The following KTN1 variants were observed in gnomAD, a reference collection of about 807,000 sequenced individuals.
The protein encoded by KTN1 is kinectin 1, also known as kinectin.
Under a neutral mutation model 222.5 loss-of-function variants are expected in KTN1, and 130 were observed. The ratio of observed to expected loss-of-function variants is 0.58; its 90% CI spans 0.51 to 0.68. The LOEUF is 0.68. Ranked by LOEUF, KTN1 falls within the 30% of genes least tolerant of loss-of-function variation. The pLI is 0.00. For missense variants in KTN1, 1,508 were observed against 1,500.4 expected, an observed-to-expected ratio of 1.01 and a Z score of -0.08; for synonymous variants, 512 against 496.3, an observed-to-expected ratio of 1.03 and a Z score of -0.42.
At chr14:55,658,940 C>A (rs1394692132) in intron 30 of KTN1, among the ~76,000 whole-genome samples, 1 of 152,130 alleles carries the variant, frequency 6.6e-6, no homozygotes, top group African/African-American at 2.4e-5. Context: ...ACTCTTATCT[C>A]CCCTCTTCCC....
chr14:55,661,523 AT>A lies in KTN1; in HGVS notation c.3004del (p.Ser1002GlnfsTer7). ...ACATGTATTCATGTTCTGGTTTAGA[AT>A]TTCAGAAAGAGAGAAAGAAATAAGT... ...FPPHEELLKVISEREKEISGL... is the reference protein window; with the variant it reads ...FPPHEELLKVXSEREKEISGL... On this transcript the variant is annotated frameshift_variant and splice_region_variant, in exon 32 of 44. Coordinates refer to ENST00000395314, the MANE Select transcript of KTN1 (RefSeq NM_001079521.2). LOFTEE classifies it high-confidence loss of function. The A allele has an allele frequency of 6.4e-7, 1 of 1,571,758 alleles. No homozygotes were observed. The highest frequency in any genetic ancestry group is 8.8e-7 in the Non-Finnish European group (1 of 1,141,936).
In KTN1 at chr14:55,625,732, GT is replaced by G. The variant is rs374678557; in HGVS notation, c.964-2177del. 2.8e-4 allele frequency among the ~76,000 whole-genome samples: 42 copies of G among 152,190 alleles called. No homozygotes were observed. In the East Asian group the frequency reaches 7.5e-3, roughly 27 times the overall value. On this transcript the variant is annotated intron_variant, in intron 5 of 43. Coordinates refer to ENST00000395314, the MANE Select transcript of KTN1 (RefSeq NM_001079521.2). ...TTCTTGTATTTGTACTCAAATAATAGTTTGGTGGGGTATAACATTCCAGAAT... is the reference window on the plus strand; with the variant it reads ...TTCTTGTATTTGTACTCAAATAATAGTTGGTGGGGTATAACATTCCAGAAT...
chr14:55,678,624 A>C (rs1389757498), intron 42 of KTN1, 180 bp downstream of exon 42: 2 of 561,850 alleles, frequency 3.6e-6, no homozygotes, highest in Non-Finnish European at 6.4e-6. Context: ...GTTAATTTTA[A>C]GGGTTGTGTT....
At chr14:55,671,399 G>A (rs1208942683) in intron 35 of KTN1, 167 bp from the exon 36 acceptor site, 3 of 582,044 alleles carry the variant, frequency 5.2e-6, no homozygotes, top group East Asian at 5.8e-5. Flanking sequence ...GACCAAAAGG[G>A]TTATTGAATG....
At chr14:55,595,880 C>T (rs191350225) in intron 1 of KTN1, among the ~76,000 whole-genome samples, 103 of 152,038 alleles carry the variant, frequency 6.8e-4, no homozygotes, top group African/African-American at 2.2e-3. Context: ...GGCGGCTGGG[C>T]GCGGTGGCTC....
Position 55,639,850 on chromosome 14 carries a change from A to G in KTN1, c.1824-63A>G, listed in dbSNP as rs1475468502. 4.7e-6 allele frequency: 5 copies of G among 1,059,486 alleles called. No individual in the cohort carries two copies. In the African/African-American group the frequency reaches 6.3e-5, roughly 13 times the overall value. 65.6% of individuals were successfully genotyped at this position (1,059,486 alleles called of 1,614,324 possible). ...TAAGGATGATGCTTTTTAAGGCTTT[A>G]AATCCTTTTGATTTGTGACTTCTGA... is the stretch of plus-strand genomic sequence containing the variant. On this transcript the variant is annotated intron_variant, in intron 13 of 43. Transcript: ENST00000395314.
At chr14:55,641,367 A>C (rs1000006335) in intron 17 of KTN1, among the ~76,000 whole-genome samples, 159 bp downstream of exon 17, 2 of 152,066 alleles carry the variant, frequency 1.3e-5, no homozygotes, top group Admixed American at 6.6e-5. Context: ...TTTATCATAG[A>C]CTTTCCCCCT....
chr14:55,630,865 T>C (rs947713793), intron 7 of KTN1, among the ~76,000 whole-genome samples: 2 of 152,170 alleles, frequency 1.3e-5, no homozygotes, highest in Non-Finnish European at 2.9e-5. Context: ...AAATTAGATG[T>C]TGACAATGAG....
chr14:55,602,972 C>G (rs2036204863), intron 1 of KTN1, among the ~76,000 whole-genome samples: 1 of 152,212 alleles, frequency 6.6e-6, no homozygotes. Flanking sequence ...TCACAAATGT[C>G]TATACCGTCT....
At chr14:55,611,330 AG>A (rs1190342110) in intron 1 of KTN1, among the ~76,000 whole-genome samples, 12 of 139,812 alleles carry the variant, frequency 8.6e-5, no homozygotes, top group African/African-American at 2.8e-4. Context: ...TGGAACTCCT[AG>A]GCTCAAGTGA....
At chr14:55,638,001 T>G (rs758610985) in intron 12 of KTN1, among the ~76,000 whole-genome samples, 154 bp downstream of exon 12, 3 of 151,984 alleles carry the variant, frequency 2.0e-5, no homozygotes, top group Non-Finnish European at 4.4e-5. Context: ...ACTTGCTAAT[T>G]ATGTACGGTG....
chr14:55,613,884 T>C (rs2037971776), intron 2 of KTN1, among the ~76,000 whole-genome samples: 1 of 152,134 alleles, frequency 6.6e-6, no homozygotes, highest in Non-Finnish European at 1.5e-5. Flanking sequence ...GTGGTTTATG[T>C]AGGAGATAGA....
At chr14:55,678,231 G>A in intron 41 of KTN1, 121 bp from the exon 42 acceptor site, 3 of 625,282 alleles carry the variant, frequency 4.8e-6, no homozygotes, top group South Asian at 4.5e-5. Flanking sequence ...ATTTTGGAGG[G>A]AAAAACCTGT....
Position 55,673,262 on chromosome 14 carries a change from A to T in KTN1, c.3771+7A>T. On this transcript the variant is annotated splice_region_variant and intron_variant, in intron 40 of 43. Coordinates refer to ENST00000395314, the MANE Select transcript of KTN1 (RefSeq NM_001079521.2). ...GAATGAAGAGCTAAATTTGGTAAGA[A>T]GCTTGTCCTCCACTGGGTATCAAGT... The T allele has an allele frequency of 6.3e-7, 1 of 1,591,082 alleles. No homozygotes were observed. The highest frequency in any genetic ancestry group is 1.3e-5 in the African/African-American group (1 of 74,586).
intron 1 of KTN1, among the ~76,000 whole-genome samples, chr14:55,600,757 A>G (rs1002272487): frequency 2.6e-5 from 4 of 152,186 alleles, no homozygotes; most frequent in African/African-American, 7.2e-5. Flanking sequence ...TTTTGATGAC[A>G]TGTTCTTTTG....
At chr14:55,630,938 A>T (rs957649069) in intron 7 of KTN1, among the ~76,000 whole-genome samples, 32 of 152,132 alleles carry the variant, frequency 2.1e-4, no homozygotes, top group African/African-American at 7.2e-4. Context: ...TGAAGGGGAG[A>T]GGTGATAGTG....
At chr14:55,584,627 C>T (rs984132695) in intron 1 of KTN1, among the ~76,000 whole-genome samples, 2 of 152,108 alleles carry the variant, frequency 1.3e-5, no homozygotes, top group African/African-American at 4.8e-5. Context: ...ATTCTTGTAC[C>T]TTGCTCCGTT....
chr14:55,619,395 T>C (rs1357833385), intron 5 of KTN1, 83 bp downstream of exon 5: 1 of 1,260,204 alleles, frequency 7.9e-7, no homozygotes, highest in Admixed American at 1.9e-5. Flanking sequence ...GAGCAATTAA[T>C]ATCTACTCCC....
intron 6 of KTN1, among the ~76,000 whole-genome samples, chr14:55,628,849 A>G (rs1301147763): frequency 1.3e-5 from 2 of 152,238 alleles, no homozygotes; most frequent in Non-Finnish European, 2.9e-5. Context: ...TAATTTGATA[A>G]TTCATTGAGC....
Sources: gnomAD v4.1 joint callset for allele counts (sites outside exome capture counted in the v4.1 genomes callset) on GRCh38, gnomAD v4.1.1 for gene constraint, MANE v1.5 for transcripts, NCBI Gene and HGNC (gene_info 2026-07-23, HGNC 2026-07-21) for gene names.